ROBO2: variants seen among roughly 807,000 people sequenced by gnomAD.
ROBO2 encodes roundabout homolog 2.
ROBO2 carries 53 observed loss-of-function variants against 160.8 expected under a neutral mutation model. That is an observed-to-expected ratio of 0.33 (90% CI 0.26 to 0.41). The LOEUF is 0.41. Ranked by LOEUF, ROBO2 falls within the 10% of genes least tolerant of loss-of-function variation. ROBO2 has a pLI of 1.00. For missense variants in ROBO2, 1,577 were observed against 1,722.4 expected (o/e 0.92, Z 1.49); for synonymous variants, 664 against 611.7 (o/e 1.09, Z -1.26).
At chr3:77,163,634 A>T (rs4684020) in intron 2 of ROBO2, among the ~76,000 whole-genome samples, 61,828 of 152,044 alleles carry the variant, frequency 0.41, 13,094 homozygotes, top group Middle Eastern at 0.54. Flanking sequence ...TGAAATTATA[A>T]CTGTATGTTC....
intron 2 of ROBO2, among the ~76,000 whole-genome samples, chr3:75,972,370 C>G (rs1025187354): frequency 3.3e-5 from 5 of 151,566 alleles, no homozygotes; most frequent in African/African-American, 1.2e-4. Context: ...TGACCAGGAC[C>G]TTGTTTCAAT....
chr3:75,977,998 A>G (rs2065176203), intron 2 of ROBO2, among the ~76,000 whole-genome samples: 1 of 151,634 alleles, frequency 6.6e-6, no homozygotes, highest in Admixed American at 6.6e-5. Flanking sequence ...AATTAGCAAG[A>G]AGTAATACAA....
chr3:77,210,315 A>G (rs916990945), intron 2 of ROBO2, among the ~76,000 whole-genome samples: 2 of 152,182 alleles, frequency 1.3e-5, no homozygotes, highest in African/African-American at 4.8e-5. Flanking sequence ...AAATGTATGC[A>G]TAATTAATGT....
intron 2 of ROBO2, among the ~76,000 whole-genome samples, chr3:76,024,787 G>A (rs2066684861): frequency 6.6e-6 from 1 of 151,486 alleles, no homozygotes. Context: ...CAGAGAAATT[G>A]TTTTCCTCTT....
intron 2 of ROBO2, among the ~76,000 whole-genome samples, chr3:76,454,322 G>A (rs1313787068): frequency 1.3e-5 from 2 of 152,146 alleles, no homozygotes; most frequent in African/African-American, 4.8e-5. Flanking sequence ...CTTTAAGCAA[G>A]AGAAGAGTAA....
intron 2 of ROBO2, among the ~76,000 whole-genome samples, chr3:76,495,542 A>G (rs116391780): frequency 9.9e-4 from 150 of 152,104 alleles, no homozygotes; most frequent in African/African-American, 3.1e-3. Context: ...CCATTCTAGT[A>G]TTAGGTATTA....
At chr3:77,428,142 T>G (rs1025427566) in intron 2 of ROBO2, among the ~76,000 whole-genome samples, 40 of 152,258 alleles carry the variant, frequency 2.6e-4, no homozygotes, top group African/African-American at 9.6e-4. Context: ...TTTATGCTTT[T>G]TAATCTACCC....
intron 2 of ROBO2, among the ~76,000 whole-genome samples, chr3:75,966,372 G>A (rs1279873046): frequency 6.6e-6 from 1 of 151,638 alleles, no homozygotes; most frequent in African/African-American, 2.4e-5. Context: ...CACAATTATG[G>A]TAAATTAAAA....
At chr3:76,948,681 A>C (rs1392179228) in intron 2 of ROBO2, among the ~76,000 whole-genome samples, 3 of 135,654 alleles carry the variant, frequency 2.2e-5, no homozygotes, top group Non-Finnish European at 4.7e-5. Flanking sequence ...TGATGTTCCA[A>C]CCCCTCCACT....
chr3:77,037,771 T>C (rs762688295), upstream of ROBO2, among the ~76,000 whole-genome samples: 1 of 152,202 alleles, frequency 6.6e-6, no homozygotes, highest in Non-Finnish European at 1.5e-5. Flanking sequence ...GATAAATAAA[T>C]AGTCATGAGA....
At chr3:77,561,068 G>C (rs1221806384) in intron 9 of ROBO2, among the ~76,000 whole-genome samples, 5 of 152,094 alleles carry the variant, frequency 3.3e-5, no homozygotes, top group African/African-American at 1.2e-4. Flanking sequence ...CAATTGTACA[G>C]AGATAATATG....
At chr3:76,426,495 G>C (rs2076225896) in intron 2 of ROBO2, among the ~76,000 whole-genome samples, 1 of 151,904 alleles carries the variant, frequency 6.6e-6, no homozygotes, top group Non-Finnish European at 1.5e-5. Context: ...TGACCACTGG[G>C]TCTAAAAAAA....
intron 2 of ROBO2, among the ~76,000 whole-genome samples, chr3:76,701,967 A>C (rs1267926768): frequency 6.6e-6 from 1 of 152,024 alleles, no homozygotes; most frequent in Admixed American, 6.6e-5. Flanking sequence ...AGTCATATGA[A>C]TCAGAGTAGG....
chr3:76,245,729 A>G (rs545873352), intron 2 of ROBO2, among the ~76,000 whole-genome samples: 1 of 152,114 alleles, frequency 6.6e-6, no homozygotes. Flanking sequence ...TCTATAATAA[A>G]TTTTCTGAAT....
At chr3:76,093,852 C>G (rs950581966) in intron 2 of ROBO2, among the ~76,000 whole-genome samples, 1 of 152,056 alleles carries the variant, frequency 6.6e-6, no homozygotes, top group Non-Finnish European at 1.5e-5. Context: ...GTGTTATCAA[C>G]TTTTAGAATA....
chr3:76,095,787 C>CACAG (rs1261878345), intron 2 of ROBO2, among the ~76,000 whole-genome samples: 1 of 141,224 alleles, frequency 7.1e-6, no homozygotes, highest in Non-Finnish European at 1.6e-5. Flanking sequence ...CACACACACA[C>CACAG]AAGATAATCA....
At chr3:76,751,780 A>AC (rs1324726962) in intron 2 of ROBO2, among the ~76,000 whole-genome samples, 2 of 149,792 alleles carry the variant, frequency 1.3e-5, no homozygotes, top group Non-Finnish European at 3.0e-5. Flanking sequence ...ATCATTAAAA[A>AC]GTCAGGAAAC....
intron 2 of ROBO2, among the ~76,000 whole-genome samples, chr3:76,488,980 A>G (rs2079651569): frequency 6.8e-6 from 1 of 148,000 alleles, no homozygotes; most frequent in Non-Finnish European, 1.5e-5. Flanking sequence ...TTATTATGGG[A>G]GGCTGAGGCA....
intron 5 of ROBO2, among the ~76,000 whole-genome samples, chr3:77,503,835 G>A (rs2153610103): frequency 6.6e-6 from 1 of 151,848 alleles, no homozygotes; most frequent in African/African-American, 2.4e-5. Flanking sequence ...AAAAGAGAAG[G>A]GATAAAAAAG....
Sources: gnomAD v4.1 joint callset for allele counts (sites outside exome capture counted in the v4.1 genomes callset) on GRCh38, gnomAD v4.1.1 for gene constraint, MANE v1.5 for transcripts, NCBI Gene and HGNC (gene_info 2026-07-23, HGNC 2026-07-21) for gene names.